RBFOX3: variants seen among roughly 807,000 people sequenced by gnomAD.
RBFOX3 encodes the protein RNA binding protein fox-1 homolog 3.
In RBFOX3, 17 loss-of-function variants were observed where a neutral mutation model predicts 48.7. The ratio of observed to expected loss-of-function variants is 0.35; its 90% confidence interval spans 0.24 to 0.52. The LOEUF is 0.52. RBFOX3 is among the 20% of genes least tolerant of loss of function. The pLI is 0.94. For synonymous variants in RBFOX3, 212 were observed against 209.5 expected (o/e 1.01, Z -0.10); for missense variants, 382 against 497.5 (o/e 0.77, Z 2.21).
At chr17:79,403,309 C>G (rs1265872708) in intron 2 of RBFOX3, among the ~76,000 whole-genome samples, 2 of 152,202 alleles carry the variant, frequency 1.3e-5, no homozygotes, top group Non-Finnish European at 2.9e-5. Context: ...ACACCCCTAC[C>G]AGGTGGGGCC....
chr17:79,132,485 G>A (rs1355407926), intron 4 of RBFOX3, among the ~76,000 whole-genome samples: 4 of 152,220 alleles, frequency 2.6e-5, no homozygotes, highest in African/African-American at 7.2e-5. Flanking sequence ...ATCAGCACCC[G>A]GCACTGGGCG....
chr17:79,576,664 TGGAGATGATGGAGAAGGC>T (rs1309043685), intron 1 of RBFOX3, among the ~76,000 whole-genome samples: 1 of 150,766 alleles, frequency 6.6e-6, no homozygotes, highest in Non-Finnish European at 1.5e-5. Context: ...ATGGAGAAGT[TGGAGATGATGGAGAAGGC>T]GGAGATGATG....
intron 4 of RBFOX3, among the ~76,000 whole-genome samples, chr17:79,158,093 T>C (rs569170223): frequency 1.3e-5 from 2 of 152,052 alleles, no homozygotes; most frequent in South Asian, 4.2e-4. Context: ...ACTAGCATCC[T>C]TACAAGAAGA....
rs1360606209 is a variant in RBFOX3, at chr17:79,299,925, G to A, written c.-74+7799C>T. On this transcript the variant is annotated intron_variant, in intron 3 of 14. Coordinates refer to ENST00000693108, the MANE Select transcript of RBFOX3 (RefSeq NM_001350451.2). The surrounding 1 kb of genome is among the most constrained non-coding windows in gnomAD (Gnocchi z 4.5). ...CGACACTCTTTTTTTTTTTTTTTGA[G>A]ACAGTGTCTCGCTCTGTGGCCCAGG... Among the ~76,000 whole-genome samples, 1 of 148,616 alleles carries A rather than the reference G, an allele frequency of 6.7e-6. No homozygotes were observed. The highest frequency in any genetic ancestry group is 3.4e-3 in the Middle Eastern group (1 of 294).
chr17:79,114,531 A>G (rs914466767), intron 5 of RBFOX3, among the ~76,000 whole-genome samples: 1 of 152,154 alleles, frequency 6.6e-6, no homozygotes. Context: ...GCACCGGGGG[A>G]AGGCTCCTAT....
At chr17:79,375,771 A>G (rs2059153493) in intron 2 of RBFOX3, among the ~76,000 whole-genome samples, 1 of 152,196 alleles carries the variant, frequency 6.6e-6, no homozygotes, top group Admixed American at 6.5e-5. Context: ...CTGAGCCCAG[A>G]GGCTGCAGGA....
chr17:79,475,618 G>A (rs1810257698), intron 2 of RBFOX3, among the ~76,000 whole-genome samples: 1 of 152,194 alleles, frequency 6.6e-6, no homozygotes, highest in Admixed American at 6.5e-5. Context: ...AATGACTGGT[G>A]TCCTTAGAAG....
intron 2 of RBFOX3, among the ~76,000 whole-genome samples, chr17:79,432,882 A>G (rs915857406): frequency 6.6e-6 from 1 of 152,224 alleles, no homozygotes; most frequent in Non-Finnish European, 1.5e-5. Context: ...GTCCCTGAAG[A>G]TCGGTGCTTT....
intron 2 of RBFOX3, among the ~76,000 whole-genome samples, chr17:79,467,326 G>A: frequency 6.6e-6 from 1 of 152,186 alleles, no homozygotes; most frequent in Non-Finnish European, 1.5e-5. Flanking sequence ...GGGGATGAGT[G>A]ATAAATAAAG....
At chr17:79,530,428 C>T (rs1599055681) in intron 1 of RBFOX3, among the ~76,000 whole-genome samples, 1 of 152,140 alleles carries the variant, frequency 6.6e-6, no homozygotes, top group South Asian at 2.1e-4. Flanking sequence ...TGCGTAAGGC[C>T]CAGAGCCGTG....
intron 3 of RBFOX3, among the ~76,000 whole-genome samples, chr17:79,282,368 C>T (rs935345566): frequency 3.3e-5 from 5 of 152,202 alleles, no homozygotes; most frequent in African/African-American, 9.6e-5. Flanking sequence ...CTAAGGGATT[C>T]GCTGATGCAT....
At chr17:79,145,899 T>C (rs2042940460) in intron 4 of RBFOX3, among the ~76,000 whole-genome samples, 1 of 152,136 alleles carries the variant, frequency 6.6e-6, no homozygotes, top group Non-Finnish European at 1.5e-5. Flanking sequence ...GAAGACAATT[T>C]TTCCAAAGGC....
chr17:79,399,772 G>A (rs1437903766), intron 2 of RBFOX3, among the ~76,000 whole-genome samples: 2 of 152,246 alleles, frequency 1.3e-5, no homozygotes, highest in Non-Finnish European at 1.5e-5. Context: ...CCTCCCCGGG[G>A]AGCAGCAGAC....
the RBFOX3 span, among the ~76,000 whole-genome samples, chr17:79,630,182 G>A: frequency 0.35 from 53,314 of 152,082 alleles, 9,786 homozygotes; most frequent in Admixed American, 0.47. Context: ...GAACGTGGGG[G>A]TCCGCCTGTA....
At position 79,243,436 on chromosome 17, in the gene RBFOX3, T is replaced by A. The variant is rs1460502005; in HGVS notation, c.-73-7631A>T. The stretch of plus-strand genomic sequence containing the variant: ...TCAGCCCAAACCTTCTGTGACCAGT[T>A]GACTCTTCCAGCTGTGCTGGGCTTT... On this transcript the variant is annotated intron_variant, in intron 3 of 14. Transcript: ENST00000693108. The surrounding 1 kb of genome is among the most constrained non-coding windows in gnomAD (Gnocchi z 7.9). 6.6e-6 allele frequency among the ~76,000 whole-genome samples: 1 copy of A among 152,182 alleles called. No homozygotes were observed. Among genetic ancestry groups the A allele is most frequent in the Non-Finnish European group, 1.5e-5 (1 of 68,028 alleles).
rs544381633 is a variant in RBFOX3 at position 79,243,900 on chromosome 17, G to A, written c.-73-8095C>T. On this transcript the variant is annotated intron_variant, in intron 3 of 14. Transcript: ENST00000693108. This position sits in a 1 kb window ranked among gnomAD's most constrained non-coding sequence, Gnocchi z 7.9. ...CACTGAGGATGCAGAAATGGCCTGC[G>A]GTCCCAGAGGTAGGGGGCAGGTGGG... Among the ~76,000 whole-genome samples, 348 of 152,180 alleles carry A rather than the reference G, an allele frequency of 2.3e-3. 7 individuals carry two copies. Among genetic ancestry groups the A allele is most frequent in the Middle Eastern group, 3.4e-3 (1 of 294 alleles).
At chr17:79,403,782 C>CTTTTTTTTT (rs781618072) in intron 2 of RBFOX3, among the ~76,000 whole-genome samples, 9 of 124,344 alleles carry the variant, frequency 7.2e-5, no homozygotes, top group Non-Finnish European at 1.3e-4. Context: ...TGTTCTTTTT[C>CTTTTTTTTT]TTTTTTTTTT....
At chr17:79,312,371 G>A (rs2076974769) in intron 2 of RBFOX3, among the ~76,000 whole-genome samples, 1 of 152,090 alleles carries the variant, frequency 6.6e-6, no homozygotes. Flanking sequence ...CACCTTTCTA[G>A]GGTGCAGCAG....
chr17:79,571,056 T>C (rs2092660101), intron 1 of RBFOX3, among the ~76,000 whole-genome samples: 1 of 152,150 alleles, frequency 6.6e-6, no homozygotes. Context: ...TATTAGGTAA[T>C]TATTGTAATG....
Sources: allele counts gnomAD v4.1 joint callset (sites outside exome capture counted in the v4.1 genomes callset), GRCh38; gene constraint gnomAD v4.1.1; non-coding constraint Gnocchi (gnomAD v3.1); transcripts MANE v1.5; gene names NCBI Gene and HGNC (gene_info 2026-07-23, HGNC 2026-07-21).